Variants in GRPEL1 observed in about 807,000 individuals in gnomAD.
GRPEL1 encodes grpE protein homolog 1, mitochondrial.
Under a neutral mutation model 22.1 loss-of-function variants are expected in GRPEL1, and 13 were observed. The observed-to-expected ratio is 0.59, with a 90% CI of 0.38 to 0.94. GRPEL1 has a LOEUF of 0.94. Ranked by LOEUF, GRPEL1 falls within the 40% of genes least tolerant of loss-of-function variation. The pLI, the probability that GRPEL1 is intolerant of heterozygous loss-of-function variation, is 0.00. For missense variants in GRPEL1, 289 were observed against 264.6 expected (o/e 1.09, Z -0.64); for synonymous variants, 109 against 105.3 (o/e 1.03, Z -0.21).
At chr4:7,066,667 C>G (rs1473566508) in intron 1 of GRPEL1, among the ~76,000 whole-genome samples, 1 of 152,206 alleles carries the variant, frequency 6.6e-6, no homozygotes, top group Non-Finnish European at 1.5e-5. Flanking sequence ...GTGACAGCCA[C>G]CAGCCTTTCT....
In GRPEL1 at chr4:7,068,053, G is replaced by C; in HGVS notation, c.-21C>G. On this transcript the variant is annotated 5_prime_UTR_variant, in exon 1 of 4. Transcript: ENST00000264954. ...GCCATGACTGCCACTGCCCGTCGCA[G>C]TCGCCGCGCACGCACCAAGCGTGCG... The C allele has an allele frequency of 6.2e-7, 1 of 1,611,586 alleles. No individual in the cohort carries two copies. Among genetic ancestry groups the C allele is most frequent in the Non-Finnish European group, 8.5e-7 (1 of 1,179,080 alleles).
chr4:7,063,096 C>CA (rs1299910184), intron 2 of GRPEL1, among the ~76,000 whole-genome samples: 3 of 142,054 alleles, frequency 2.1e-5, no homozygotes, highest in Non-Finnish European at 4.6e-5. Flanking sequence ...TCATCTGAGC[C>CA]TTTTTTTTTT....
In GRPEL1 at chr4:7,064,123, C is replaced by G. The variant is rs752297045; in HGVS notation, c.163G>C (p.Ala55Pro). The G allele has an allele frequency of 1.9e-6, 3 of 1,614,218 alleles. No individual in the cohort carries two copies. The highest frequency in any genetic ancestry group is 2.2e-5 in the South Asian group (2 of 91,084). The change falls in exon 2 of 4, where the codon GCT becomes CCT. Residue 55 changes from alanine to proline, a missense_variant. Coordinates refer to ENST00000264954, the MANE Select transcript of GRPEL1 (RefSeq NM_025196.4). ...TCTTCCAGGAGGGTCTTCTCTGTAG[C>G]AGGAGGATCTGCCTTCTGTTCACTC... ...GQSEQKADPP[A>P]TEKTLLEEKV...
chr4:7,067,862 C>A, intron 1 of GRPEL1, 109 bp downstream of exon 1: 1 of 1,183,400 alleles, frequency 8.5e-7, no homozygotes, highest in Non-Finnish European at 1.2e-6. Context: ...CCGGAGATGC[C>A]CAGCTCCGGG....
chr4:7,062,924 T>C (rs1008104437), intron 2 of GRPEL1, among the ~76,000 whole-genome samples: 4 of 152,168 alleles, frequency 2.6e-5, no homozygotes, highest in African/African-American at 4.8e-5. Flanking sequence ...CTTTGAGATG[T>C]GACTAAGGAG....
At chr4:7,064,653 C>G (rs1314447792) in intron 1 of GRPEL1, among the ~76,000 whole-genome samples, 1 of 152,078 alleles carries the variant, frequency 6.6e-6, no homozygotes, top group African/African-American at 2.4e-5. Flanking sequence ...TGCTCGTCAC[C>G]ACACCCGGCT....
chr4:7,064,412 C>T, intron 1 of GRPEL1, 189 bp from the exon 2 acceptor site: 1 of 514,686 alleles, frequency 1.9e-6, no homozygotes, highest in Middle Eastern at 4.9e-4. Context: ...AATATAAAAG[C>T]TGTAAGTCAT....
chr4:7,062,497 T>TATATATAC, intron 2 of GRPEL1, 31 bp from the exon 3 acceptor site: 2 of 48,250 alleles, frequency 4.1e-5, no homozygotes, highest in Non-Finnish European at 3.7e-5. Context: ...TATTTATATA[T>TATATATAC]ATATATATAT....
intron 3 of GRPEL1, 109 bp downstream of exon 3, chr4:7,062,276 A>ACC (rs11422620): frequency 3.9e-5 from 12 of 310,310 alleles, no homozygotes; most frequent in East Asian, 7.4e-5. Flanking sequence ...CAACAGCTGG[A>ACC]CCCCCCACCC....
chr4:7,064,433 C>T, intron 1 of GRPEL1: 1 of 423,462 alleles, frequency 2.4e-6, no homozygotes, highest in Non-Finnish European at 4.1e-6. Flanking sequence ...ATACAATGTG[C>T]CTTTATTAGA....
chr4:7,066,026 T>C (rs1286070038), intron 1 of GRPEL1, among the ~76,000 whole-genome samples: 1 of 152,096 alleles, frequency 6.6e-6, no homozygotes, highest in Non-Finnish European at 1.5e-5. Context: ...GCTAATTTTT[T>C]TGTATTTTTT....
At chr4:7,063,959 T>G in intron 2 of GRPEL1, 102 bp downstream of exon 2, 1 of 1,351,434 alleles carries the variant, frequency 7.4e-7, no homozygotes. Context: ...ACGGCTTAAC[T>G]CTGGCTTTAG....
In GRPEL1 at chr4:7,065,614, AC is replaced by A. The variant is rs1724148028; in HGVS notation, c.63-1392del. Among the ~76,000 whole-genome samples, 2 of 152,204 alleles carry A rather than the reference AC, an allele frequency of 1.3e-5. 1 individual carries two copies. Among genetic ancestry groups the A allele is most frequent in the South Asian group, 4.1e-4 (2 of 4,828 alleles). ...AGATACCTAGCTTGGGGAATGGAAA[AC>A]CATGAAAGGCTTTGTAGGATAGGTA... On this transcript the variant is annotated intron_variant, in intron 1 of 3. Coordinates refer to ENST00000264954, the MANE Select transcript of GRPEL1 (RefSeq NM_025196.4).
rs981191024 is a variant in GRPEL1 at position 7,059,073 on chromosome 4, T to C, written c.*1789A>G. The stretch of plus-strand genomic sequence containing the variant: ...CTCCACCACCTGTTTTTTAGGTCCA[T>C]GTAGGTACACATGGTGTTCACAGGA... On this transcript the variant is annotated 3_prime_UTR_variant, in exon 4 of 4. Transcript: ENST00000264954. 2.0e-5 allele frequency: 3 copies of C among 152,182 alleles called. No homozygotes were observed. The highest frequency in any genetic ancestry group is 4.8e-5 in the African/African-American group (2 of 41,430). 9.4% of individuals were successfully genotyped at this position (152,182 alleles called of 1,614,324 possible).
rs1442861280 is a variant in GRPEL1, at chr4:7,060,709, T to C, written c.*153A>G. The stretch of plus-strand genomic sequence containing the variant: ...CCCGAATTAGAGTTCATTAATGCAG[T>C]TGGGCAACCGGCTTTTCTGTTTAGC... On this transcript the variant is annotated 3_prime_UTR_variant, in exon 4 of 4. Transcript: ENST00000264954. The C allele has an allele frequency of 4.3e-6, 3 of 705,668 alleles. No homozygotes were observed. The highest frequency in any genetic ancestry group is 5.0e-5 in the East Asian group (2 of 40,272). 43.7% of individuals were successfully genotyped at this position (705,668 alleles called of 1,614,324 possible). A position where few individuals can be genotyped will look rare whatever the true frequency, so the allele number is the denominator to read the frequency against.
chr4:7,059,412 G>C lies in GRPEL1; in HGVS notation c.*1450C>G, dbSNP rs539710202. The C allele has an allele frequency of 2.6e-4, 40 of 152,246 alleles. No individual in the cohort carries two copies. The highest frequency in any genetic ancestry group is 9.6e-4 in the African/African-American group (40 of 41,530). The allele number at this position is 152,246 out of a possible 1,614,324, so 9.4% of individuals were successfully genotyped here. ...ACTTTTCTTAGCCTCCATTTAACTC[G>C]GGAGCTCCAGGGGTGATGATGCACT... On this transcript the variant is annotated 3_prime_UTR_variant, in exon 4 of 4. Transcript: ENST00000264954.
rs746280772 is a variant in GRPEL1, at chr4:7,060,880, C to A, written c.636G>T (p.Gly212=). 6.2e-7 allele frequency: 1 copy of A among 1,612,034 alleles called. No homozygotes were observed. Among genetic ancestry groups the A allele is most frequent in the Non-Finnish European group, 8.5e-7 (1 of 1,178,812 alleles). ...ACAGCAGCTAAGCTTCCTTCACCAC[C>A]CCCACCAGGGCGGGTCTCAGAGTGC... The part of the protein sequence containing the change: ...HGRTLRPALV[G]VVKEA The change falls in exon 4 of 4, where the codon GGG becomes GGT. Residue 212 remains glycine (G), a synonymous_variant. Coordinates refer to ENST00000264954, the MANE Select transcript of GRPEL1 (RefSeq NM_025196.4).
intron 1 of GRPEL1, 119 bp downstream of exon 1, chr4:7,067,852 C>G: frequency 9.6e-7 from 1 of 1,045,148 alleles, no homozygotes; most frequent in Admixed American, 2.3e-5. Flanking sequence ...AACCGCGAGC[C>G]CGGAGATGCC....
chr4:7,064,942 G>A (rs1724131606), intron 1 of GRPEL1, among the ~76,000 whole-genome samples: 1 of 152,178 alleles, frequency 6.6e-6, no homozygotes, highest in Non-Finnish European at 1.5e-5. Context: ...TTACAGGCAT[G>A]AGCCACTGTG....
Sources: gnomAD v4.1 joint callset for allele counts (sites outside exome capture counted in the v4.1 genomes callset) on GRCh38, gnomAD v4.1.1 for gene constraint, MANE v1.5 for transcripts, NCBI Gene and HGNC (gene_info 2026-07-23, HGNC 2026-07-21) for gene names.